Variants in KAZN observed in about 807,000 individuals in gnomAD.
The protein encoded by KAZN is kazrin, periplakin interacting protein.
A neutral mutation model predicts 87.4 loss-of-function variants in KAZN; 40 were observed. The ratio of observed to expected loss-of-function variants is 0.46; its 90% CI spans 0.36 to 0.60. The LOEUF is 0.60. Among genes scored for constraint, KAZN ranks in the 20% least tolerant of loss-of-function variants. The pLI is 0.00. For missense variants in KAZN, 898 were observed against 1,073.9 expected, an observed-to-expected ratio of 0.84 and a Z score of 2.29; for synonymous variants, 466 against 458.3, an observed-to-expected ratio of 1.02 and a Z score of -0.22.
At chr1:15,031,354 G>A (rs780917534) in intron 2 of KAZN, among the ~76,000 whole-genome samples, 2 of 152,220 alleles carry the variant, frequency 1.3e-5, no homozygotes, top group Non-Finnish European at 2.9e-5. Flanking sequence ...GCTGTGGAGA[G>A]GGGTTAGCCT....
At chr1:14,428,284 A>G (rs1665854578) in intron 2 of KAZN, among the ~76,000 whole-genome samples, 1 of 152,188 alleles carries the variant, frequency 6.6e-6, no homozygotes, top group Non-Finnish European at 1.5e-5. Context: ...TCAAGGGAGT[A>G]CATATGGTGA....
chr1:14,946,769 G>C (rs922193344), intron 1 of KAZN, among the ~76,000 whole-genome samples: 1 of 152,136 alleles, frequency 6.6e-6, no homozygotes, highest in African/African-American at 2.4e-5. Flanking sequence ...TTTAACCCGA[G>C]TTGAAATCTG....
chr1:14,473,433 C>A (rs552461754), intron 2 of KAZN, among the ~76,000 whole-genome samples: 8 of 152,160 alleles, frequency 5.3e-5, no homozygotes, highest in African/African-American at 1.9e-4. Context: ...TTGAGACCAG[C>A]CTGACCAATA....
At chr1:14,530,507 T>G (rs561277610) in intron 2 of KAZN, among the ~76,000 whole-genome samples, 1 of 152,278 alleles carries the variant, frequency 6.6e-6, no homozygotes, top group African/African-American at 2.4e-5. Flanking sequence ...GGAGGTGTTT[T>G]GGTCATGGGG....
At chr1:14,829,287 T>G (rs1277756056) in intron 1 of KAZN, among the ~76,000 whole-genome samples, 1 of 152,220 alleles carries the variant, frequency 6.6e-6, no homozygotes, top group African/African-American at 2.4e-5. Flanking sequence ...TTAATCAGTA[T>G]CTAGTGGATA....
intron 1 of KAZN, among the ~76,000 whole-genome samples, chr1:14,743,393 GCACT>G (rs1344947931): frequency 6.6e-6 from 1 of 151,136 alleles, no homozygotes; most frequent in African/African-American, 2.4e-5. Flanking sequence ...TCGCGCCACT[GCACT>G]CTAGCCTGGG....
chr1:14,544,354 T>TC (rs1673004808), intron 2 of KAZN, among the ~76,000 whole-genome samples: 1 of 133,220 alleles, frequency 7.5e-6, no homozygotes, highest in African/African-American at 2.6e-5. Flanking sequence ...TTCTTTCTTT[T>TC]TTTTTTTTTT....
chr1:14,651,599 A>C (rs953342182), intron 1 of KAZN, among the ~76,000 whole-genome samples: 1 of 152,218 alleles, frequency 6.6e-6, no homozygotes, highest in Non-Finnish European at 1.5e-5. Context: ...GTACAAAACC[A>C]TTGACTCAGT....
chr1:14,083,326 A>G (rs1008493690), intron 1 of KAZN, among the ~76,000 whole-genome samples: 1 of 152,254 alleles, frequency 6.6e-6, no homozygotes, highest in African/African-American at 2.4e-5. Context: ...TTTAGTAGAA[A>G]ATAAATGTGG....
chr1:14,717,009 C>A lies in KAZN; in HGVS notation c.226+117786C>A, dbSNP rs574667748. Among the ~76,000 whole-genome samples the A allele has an allele frequency of 1.1e-4, 16 of 151,552 alleles. No individual in the cohort carries two copies. The South Asian group carries it at 3.2e-3, about 31-fold the overall frequency. ...GAATGCCTTCTCCTCCAGCCCTGCC[C>A]TTCAAGGCCCAGCTGGGAGGCTCCC... On this transcript the variant is annotated intron_variant, in intron 1 of 14. Transcript: ENST00000376030.
intron 1 of KAZN, among the ~76,000 whole-genome samples, chr1:14,060,156 G>T (rs1401502448): frequency 1.3e-5 from 2 of 152,098 alleles, no homozygotes; most frequent in Non-Finnish European, 1.5e-5. Context: ...AAGGTCAGGA[G>T]ATCGAGACCA....
chr1:14,366,964 G>C (rs572264565), intron 2 of KAZN, among the ~76,000 whole-genome samples: 4 of 152,340 alleles, frequency 2.6e-5, no homozygotes, highest in African/African-American at 9.6e-5. Flanking sequence ...GGGCACAGTG[G>C]CTCATGCCTG....
At chr1:14,504,968 A>T (rs1299068463) in intron 2 of KAZN, among the ~76,000 whole-genome samples, 1 of 152,234 alleles carries the variant, frequency 6.6e-6, no homozygotes, top group Non-Finnish European at 1.5e-5. Context: ...CTGGAAACCC[A>T]AGGGCAGTGG....
intron 13 of KAZN, among the ~76,000 whole-genome samples, chr1:15,109,962 T>C: frequency 7.6e-6 from 1 of 131,444 alleles, no homozygotes; most frequent in Middle Eastern, 3.8e-3. Context: ...TGTTTGTATA[T>C]GTGTGTTTGT....
intron 2 of KAZN, among the ~76,000 whole-genome samples, chr1:14,488,169 C>CTTAA (rs1426870064): frequency 6.6e-6 from 1 of 152,204 alleles, no homozygotes; most frequent in African/African-American, 2.4e-5. Flanking sequence ...GAGGCCCAGA[C>CTTAA]TTAAGACTCT....
intron 1 of KAZN, among the ~76,000 whole-genome samples, chr1:14,121,767 G>A (rs1295157510): frequency 6.6e-6 from 1 of 152,226 alleles, no homozygotes; most frequent in Non-Finnish European, 1.5e-5. Context: ...ACAAGCTAAG[G>A]GAGATCAGGG....
chr1:14,419,805 G>C (rs1360663361), intron 2 of KAZN, among the ~76,000 whole-genome samples: 1 of 152,076 alleles, frequency 6.6e-6, no homozygotes, highest in Non-Finnish European at 1.5e-5. Context: ...ATTCCTCCCG[G>C]TGGGTTCGGG....
chr1:14,264,746 G>A (rs35637700), intron 2 of KAZN, among the ~76,000 whole-genome samples: 30,863 of 152,152 alleles, frequency 0.2, 3,714 homozygotes, highest in Middle Eastern at 0.37. Context: ...AACAGACTAC[G>A]ACAGTGGATT....
At chr1:14,285,568 C>G (rs755412142) in intron 2 of KAZN, among the ~76,000 whole-genome samples, 1 of 152,160 alleles carries the variant, frequency 6.6e-6, no homozygotes, top group Non-Finnish European at 1.5e-5. Flanking sequence ...CTGTGGAATT[C>G]GAAGGCTGTC....
Sources: allele counts gnomAD v4.1 joint callset (sites outside exome capture counted in the v4.1 genomes callset), GRCh38; gene constraint gnomAD v4.1.1; transcripts MANE v1.5; gene names NCBI Gene and HGNC (gene_info 2026-07-23, HGNC 2026-07-21).